KDM1A: variants seen among roughly 807,000 people sequenced by gnomAD.
KDM1A encodes lysine demethylase 1A, also known as lysine-specific histone demethylase 1A.
In KDM1A, 49 loss-of-function variants were observed where a neutral mutation model predicts 109.4. The observed-to-expected ratio is 0.45, with a 90% CI of 0.36 to 0.57. The LOEUF is 0.57. Ranked by LOEUF, KDM1A falls within the 20% of genes least tolerant of loss-of-function variation. KDM1A has a pLI of 0.00. For synonymous variants in KDM1A, 380 were observed against 415.4 expected (o/e 0.91, Z 1.04); for missense variants, 668 against 1,116.6 (o/e 0.60, Z 5.73).
intron 1 of KDM1A, among the ~76,000 whole-genome samples, chr1:23,028,125 G>C (rs1641866627): frequency 6.6e-6 from 1 of 152,160 alleles, no homozygotes; most frequent in Non-Finnish European, 1.5e-5. Flanking sequence ...TGAAAAGATT[G>C]TTTTTGATGC....
chr1:23,055,918 T>C lies in KDM1A; in HGVS notation c.884-14T>C. 6.4e-7 allele frequency: 1 copy of C among 1,562,848 alleles called. No individual in the cohort carries two copies. The highest frequency in any genetic ancestry group is 8.7e-7 in the Non-Finnish European group (1 of 1,145,786). On this transcript the variant is annotated splice_polypyrimidine_tract_variant and intron_variant, in intron 6 of 20. Transcript: ENST00000400181. ...ACCTAAAACAAAATCTTTTTTTTCA[T>C]TTTTTGCTTTTAGCTAAAAAGACAG...
chr1:23,074,764 T>C lies in KDM1A; in HGVS notation c.1734+1361T>C, dbSNP rs116236973. On this transcript the variant is annotated intron_variant, in intron 15 of 20. Coordinates refer to ENST00000400181, the MANE Select transcript of KDM1A (RefSeq NM_001009999.3). ...AAGGTAAGTGAAGGGTTCATGTTTTTCCATATAGTTATGTAATTATTATTC... is the reference window on the plus strand; with the variant it reads ...AAGGTAAGTGAAGGGTTCATGTTTTCCCATATAGTTATGTAATTATTATTC... Among the ~76,000 whole-genome samples, 1,022 of 152,352 alleles carry C rather than the reference T, an allele frequency of 6.7e-3. 10 individuals are homozygous for C. The highest frequency in any genetic ancestry group is 0.023 in the African/African-American group (939 of 41,584).
At chr1:23,039,836 A>G (rs1642254702) in intron 2 of KDM1A, among the ~76,000 whole-genome samples, 1 of 152,206 alleles carries the variant, frequency 6.6e-6, no homozygotes, top group South Asian at 2.1e-4. Context: ...GGTATTTTTC[A>G]TCTTTTCTCA....
At chr1:23,068,995 G>T in intron 11 of KDM1A, 66 bp from the exon 12 acceptor site, 1 of 1,087,498 alleles carries the variant, frequency 9.2e-7, no homozygotes, top group South Asian at 1.5e-5. Context: ...AAATGTTTTT[G>T]ATGGGCACCT....
At chr1:23,046,560 C>T (rs1241297898) in intron 3 of KDM1A, among the ~76,000 whole-genome samples, 2 of 152,128 alleles carry the variant, frequency 1.3e-5, no homozygotes, top group Non-Finnish European at 2.9e-5. Context: ...CAAGATGCTA[C>T]CTATATCTTA....
intron 14 of KDM1A, 59 bp downstream of exon 14, chr1:23,072,256 T>A: frequency 8.1e-7 from 1 of 1,234,036 alleles, no homozygotes; most frequent in South Asian, 1.3e-5. Context: ...TTCAGCTTGA[T>A]TTGGAAGGAA....
chr1:23,038,547 C>CT (rs1255336690), intron 2 of KDM1A, among the ~76,000 whole-genome samples: 1 of 152,092 alleles, frequency 6.6e-6, no homozygotes, highest in Non-Finnish European at 1.5e-5. Flanking sequence ...CAAACCAAGA[C>CT]TGCAGCAAAA....
At chr1:23,071,117 CCT>C (rs1643306846) in intron 12 of KDM1A, 106 bp from the exon 13 acceptor site, 8 of 796,166 alleles carry the variant, frequency 1.0e-5, no homozygotes, top group African/African-American at 1.7e-5. Context: ...GCATTGTAGC[CCT>C]GTTTTGTTGG....
At chr1:23,054,667 C>T (rs1236623177) in intron 5 of KDM1A, among the ~76,000 whole-genome samples, 1 of 152,084 alleles carries the variant, frequency 6.6e-6, no homozygotes, top group Non-Finnish European at 1.5e-5. Flanking sequence ...TCTGATCTAG[C>T]CTGGGCTAGA....
intron 7 of KDM1A, among the ~76,000 whole-genome samples, chr1:23,057,259 TTA>T (rs1249327299): frequency 1.3e-5 from 2 of 152,256 alleles, no homozygotes; most frequent in Non-Finnish European, 2.9e-5. Context: ...TGTCGTTTAG[TTA>T]TATGACATTT....
At chr1:23,054,753 A>G (rs181835298) in intron 5 of KDM1A, among the ~76,000 whole-genome samples, 5 of 152,162 alleles carry the variant, frequency 3.3e-5, no homozygotes, top group African/African-American at 1.2e-4. Context: ...CAGCCCCCCA[A>G]GTAACTAGGA....
At position 23,081,455 on chromosome 1, in the gene KDM1A, T is replaced by C; in HGVS notation, c.2180T>C (p.Leu727Pro). 2 of 1,614,178 alleles carry C rather than the reference T, an allele frequency of 1.2e-6. No individual in the cohort carries two copies. Among genetic ancestry groups the C allele is most frequent in the Non-Finnish European group, 1.7e-6 (2 of 1,180,010 alleles). ...CTTTCTGTTTCCCCAGCTCCAATAC[T>C]GTTGGCACTAGTGGCAGGAGAAGCT... is the stretch of plus-strand genomic sequence containing the variant. ...LFWNLYKAPI[L>P]LALVAGEAAG... Residue 727 changes from leucine to proline, a missense_variant, in exon 19 of 21, where the codon CTG becomes CCG. By Grantham distance (98) the Leu-to-Pro change is moderately conservative. This residue lies in a region of KDM1A where 162 missense variants were observed against 376.4 expected (regional missense o/e 0.43). Coordinates refer to ENST00000400181, the MANE Select transcript of KDM1A (RefSeq NM_001009999.3).
chr1:23,041,848 A>G lies in KDM1A; in HGVS notation c.518-2579A>G, dbSNP rs180861662. Among the ~76,000 whole-genome samples the G allele has an allele frequency of 6.4e-3, 968 of 152,160 alleles. 2 individuals carry two copies. Among genetic ancestry groups the G allele is most frequent in the Non-Finnish European group, 0.011 (744 of 68,018 alleles). ...TTTTCCTGCATTTTTTTAAATTAAA[A>G]AAAATCTTTTTAAGAGGTTTTTTAA... On this transcript the variant is annotated intron_variant, in intron 2 of 20. Coordinates refer to ENST00000400181, the MANE Select transcript of KDM1A (RefSeq NM_001009999.3).
chr1:23,033,312 A>G (rs924713226), intron 2 of KDM1A, among the ~76,000 whole-genome samples: 2 of 152,172 alleles, frequency 1.3e-5, no homozygotes, highest in African/African-American at 4.8e-5. Flanking sequence ...ACCTGAGGTC[A>G]GGAGTTCGAG....
intron 2 of KDM1A, among the ~76,000 whole-genome samples, chr1:23,043,969 C>T (rs12037295): frequency 6.6e-6 from 1 of 152,222 alleles, no homozygotes; most frequent in East Asian, 1.9e-4. Context: ...TAATTATACT[C>T]CTTGCTTTGA....
At chr1:23,026,771 G>A (rs563476873) in intron 1 of KDM1A, among the ~76,000 whole-genome samples, 3 of 152,154 alleles carry the variant, frequency 2.0e-5, no homozygotes, top group Non-Finnish European at 4.4e-5. Flanking sequence ...AGAAGGAAGA[G>A]ACTAAAGATT....
At position 23,019,649 on chromosome 1, in the gene KDM1A, C is replaced by A; in HGVS notation, c.53C>A (p.Ala18Glu). Residue 18 changes from alanine to glutamate, a missense_variant, in exon 1 of 21, where the codon GCA becomes GAA. Transcript: ENST00000400181. ...AAAAAAAAAA[A>E]TGTEAGPGTA... is the part of the protein sequence containing the mutation. ...GCGGCGGCGGCGGCTGCAGCGGCAG[C>A]AACCGGGACGGAGGCTGGCCCTGGG... The A allele has an allele frequency of 7.1e-7, 1 of 1,410,300 alleles. No homozygotes were observed. Among genetic ancestry groups the A allele is most frequent in the Non-Finnish European group, 9.2e-7 (1 of 1,089,336 alleles). 87.4% of individuals were successfully genotyped at this position (1,410,300 alleles called of 1,614,324 possible).
chr1:23,032,876 G>C (rs1358274671), intron 2 of KDM1A, among the ~76,000 whole-genome samples: 1 of 152,144 alleles, frequency 6.6e-6, no homozygotes, highest in African/African-American at 2.4e-5. Flanking sequence ...TATATTAAAA[G>C]CTTGAGAGAA....
chr1:23,039,727 G>T (rs911027192), intron 2 of KDM1A, among the ~76,000 whole-genome samples: 3 of 152,232 alleles, frequency 2.0e-5, no homozygotes, highest in Middle Eastern at 3.4e-3. Context: ...TCACTGCCTC[G>T]CAGTCTATCC....
Sources: allele counts gnomAD v4.1 joint callset (sites outside exome capture counted in the v4.1 genomes callset), GRCh38; gene constraint gnomAD v4.1.1; regional missense constraint gnomAD v4.1.1; transcripts MANE v1.5; gene names NCBI Gene and HGNC (gene_info 2026-07-23, HGNC 2026-07-21).